MACROD2: variants seen among roughly 807,000 people sequenced by gnomAD.
MACROD2 encodes ADP-ribose glycohydrolase MACROD2.
MACROD2 carries 36 observed loss-of-function variants against 70.4 expected under a neutral mutation model. That is an observed-to-expected ratio of 0.51 (90% CI 0.39 to 0.68). The LOEUF is 0.68. Among genes scored for constraint, MACROD2 ranks in the 30% least tolerant of loss-of-function variants. MACROD2 has a pLI of 0.00. For synonymous variants in MACROD2, 172 were observed against 178.8 expected, an observed-to-expected ratio of 0.96 and a Z score of 0.30; for missense variants, 496 against 538.4, an observed-to-expected ratio of 0.92 and a Z score of 0.78.
chr20:14,113,690 G>A (rs932722509), intron 3 of MACROD2, among the ~76,000 whole-genome samples: 2 of 152,076 alleles, frequency 1.3e-5, no homozygotes, highest in African/African-American at 4.8e-5. Context: ...CATCCCGTGG[G>A]TTTCCAGGTG....
chr20:14,475,508 A>G (rs1002496386), intron 3 of MACROD2, among the ~76,000 whole-genome samples: 12 of 151,978 alleles, frequency 7.9e-5, no homozygotes, highest in African/African-American at 2.9e-4. Context: ...ATCTTTTTGC[A>G]CATTAGCATC....
chr20:14,346,491 T>G lies in MACROD2; in HGVS notation c.272-146988T>G, dbSNP rs556730346. 4.6e-5 allele frequency among the ~76,000 whole-genome samples: 7 copies of G among 152,338 alleles called. No individual in the cohort carries two copies. The South Asian group carries it at 1.4e-3, about 32-fold the overall frequency. ...TCTAATATAGCTGATTTCTAGTAAT[T>G]GTATAGCAGATGCTCGTTCAAGCAC... On this transcript the variant is annotated intron_variant, in intron 3 of 17. Coordinates refer to ENST00000684519, the MANE Select transcript of MACROD2 (RefSeq NM_001351661.2).
At chr20:14,451,263 G>A (rs752141947) in intron 3 of MACROD2, among the ~76,000 whole-genome samples, 5 of 152,040 alleles carry the variant, frequency 3.3e-5, no homozygotes, top group Non-Finnish European at 5.9e-5. Context: ...CCAATATGGC[G>A]AAACCCTGTC....
At chr20:14,911,422 G>A (rs1241985984) in intron 5 of MACROD2, among the ~76,000 whole-genome samples, 3 of 152,006 alleles carry the variant, frequency 2.0e-5, no homozygotes, top group Non-Finnish European at 4.4e-5. Flanking sequence ...CTGTTGCCCA[G>A]GCTAGAGTGC....
chr20:14,277,138 C>G (rs1425938425), intron 3 of MACROD2, among the ~76,000 whole-genome samples: 2 of 151,792 alleles, frequency 1.3e-5, no homozygotes, highest in Non-Finnish European at 2.9e-5. Context: ...TGTGTCTCTA[C>G]TAAAAATACA....
chr20:14,564,534 C>G (rs1180876745), intron 4 of MACROD2, among the ~76,000 whole-genome samples: 2 of 151,678 alleles, frequency 1.3e-5, no homozygotes, highest in African/African-American at 2.4e-5. Flanking sequence ...AAAAAGTGGG[C>G]AAAGGACATG....
intron 7 of MACROD2, among the ~76,000 whole-genome samples, chr20:15,473,794 C>T (rs969278421): frequency 6.6e-6 from 1 of 152,210 alleles, no homozygotes; most frequent in African/African-American, 2.4e-5. Flanking sequence ...TTGCTTTTCT[C>T]TTCACAAGTG....
intron 6 of MACROD2, among the ~76,000 whole-genome samples, chr20:15,429,421 G>A: frequency 6.6e-6 from 1 of 152,040 alleles, no homozygotes; most frequent in East Asian, 1.9e-4. Flanking sequence ...TAATAGTAAA[G>A]GCTTCCACAG....
intron 8 of MACROD2, among the ~76,000 whole-genome samples, chr20:15,671,811 G>T (rs1371608808): frequency 1.3e-5 from 2 of 152,190 alleles, no homozygotes; most frequent in Non-Finnish European, 2.9e-5. Flanking sequence ...TGAGCTGCTT[G>T]TCTCAAAACT....
At chr20:14,411,476 C>T (rs2083748409) in intron 3 of MACROD2, among the ~76,000 whole-genome samples, 1 of 152,084 alleles carries the variant, frequency 6.6e-6, no homozygotes, top group Non-Finnish European at 1.5e-5. Context: ...CTTCCCACAG[C>T]ATTACTCCCA....
chr20:14,419,762 G>A (rs113810285), intron 3 of MACROD2, among the ~76,000 whole-genome samples: 1 of 151,938 alleles, frequency 6.6e-6, no homozygotes, highest in Non-Finnish European at 1.5e-5. Context: ...TATATTTCTA[G>A]TATTGCTTCT....
chr20:15,534,869 A>T (rs536497042), intron 8 of MACROD2, among the ~76,000 whole-genome samples: 2 of 152,258 alleles, frequency 1.3e-5, no homozygotes, highest in South Asian at 2.1e-4. Context: ...ATTCTTGCCA[A>T]CTCTAACTGA....
intron 5 of MACROD2, among the ~76,000 whole-genome samples, chr20:15,218,639 CTT>C (rs202064729): frequency 0.01 from 1,528 of 152,198 alleles, 21 homozygotes; most frequent in African/African-American, 0.034. Flanking sequence ...TTCCTTGAGT[CTT>C]TGCAAACTCT....
chr20:15,441,787 T>C (rs2046497750), intron 7 of MACROD2, among the ~76,000 whole-genome samples: 1 of 152,162 alleles, frequency 6.6e-6, no homozygotes, highest in Non-Finnish European at 1.5e-5. Flanking sequence ...TCCTCAGATG[T>C]ATCACTTATT....
chr20:14,128,083 C>T (rs2148697067), intron 3 of MACROD2: 1 of 555,788 alleles, frequency 1.8e-6, no homozygotes, highest in Middle Eastern at 3.0e-4. Flanking sequence ...GGAGTATTAT[C>T]TCAAGCAGTG....
At chr20:15,604,543 G>A (rs529481559) in intron 8 of MACROD2, among the ~76,000 whole-genome samples, 7 of 152,286 alleles carry the variant, frequency 4.6e-5, no homozygotes, top group Admixed American at 6.5e-5. Context: ...CAAATGGGAC[G>A]TGCCCAGCTG....
chr20:15,850,954 G>A (rs1005625299), intron 8 of MACROD2, among the ~76,000 whole-genome samples: 2 of 152,186 alleles, frequency 1.3e-5, no homozygotes, highest in East Asian at 3.9e-4. Flanking sequence ...TTACTAGTAA[G>A]CAAGGAGCGG....
At chr20:14,977,105 T>G (rs1234717180) in intron 5 of MACROD2, among the ~76,000 whole-genome samples, 1 of 152,112 alleles carries the variant, frequency 6.6e-6, no homozygotes, top group Non-Finnish European at 1.5e-5. Flanking sequence ...CCCCAAATCA[T>G]AGATGATTAC....
At chr20:14,591,608 A>G (rs561277822) in intron 4 of MACROD2, among the ~76,000 whole-genome samples, 9 of 152,294 alleles carry the variant, frequency 5.9e-5, no homozygotes, top group African/African-American at 2.2e-4. Context: ...CTACAAAGGA[A>G]GAACATTAAC....
Sources: allele counts gnomAD v4.1 joint callset (sites outside exome capture counted in the v4.1 genomes callset), GRCh38; gene constraint gnomAD v4.1.1; transcripts MANE v1.5; gene names NCBI Gene and HGNC (gene_info 2026-07-23, HGNC 2026-07-21).